CCNL2: variants seen among roughly 807,000 people sequenced by gnomAD.
The protein encoded by CCNL2 is cyclin-L2.
In CCNL2, 28 loss-of-function variants were observed where a neutral mutation model predicts 59.1. That is an observed-to-expected ratio of 0.47 (90% CI 0.35 to 0.65). The LOEUF is 0.65. CCNL2 is among the 30% of genes least tolerant of loss of function. The pLI is 0.00. For synonymous variants in CCNL2, 342 were observed against 288.6 expected (o/e 1.19, Z -1.88); for missense variants, 714 against 717.4 (o/e 1.00, Z 0.05).
chr1:1,385,919 A>AG lies in CCNL2; in HGVS notation c.*1311dup, dbSNP rs34180804. On this transcript the variant is annotated 3_prime_UTR_variant, in exon 11 of 11. Transcript: ENST00000400809. ...GAGTCTCCTCAGTTCCCCAATTCTG[A>AG]GGGGGGGTCCCACCAGCTATCTAAT... The AG allele has an allele frequency of 0.75, 114,403 of 151,658 alleles. 47,263 individuals carry two copies. The highest frequency in any genetic ancestry group is 0.92 in the Non-Finnish European group (62,794 of 67,898). 9.4% of individuals were successfully genotyped at this position (151,658 alleles called of 1,614,324 possible). A position where few individuals can be genotyped will look rare whatever the true frequency, so the allele number is the denominator to read the frequency against.
rs1445540150 is a variant in CCNL2 at position 1,386,935 on chromosome 1, G to A, written c.*296C>T. 8.2e-6 allele frequency: 3 copies of A among 364,492 alleles called. No homozygotes were observed. The highest frequency in any genetic ancestry group is 1.5e-5 in the Non-Finnish European group (3 of 202,142). The allele number at this position is 364,492 out of a possible 1,614,324, so 22.6% of individuals were successfully genotyped here. A position where few individuals can be genotyped will look rare whatever the true frequency, so the allele number is the denominator to read the frequency against. On this transcript the variant is annotated 3_prime_UTR_variant, in exon 11 of 11. Transcript: ENST00000400809. The stretch of plus-strand genomic sequence containing the variant: ...TGCCAGGCCACGCCAACAAGGGCGT[G>A]TGCATTCACTTTTTCATTGAGCTGC...
chr1:1,398,970 T>TGCC, intron 1 of CCNL2, 49 bp downstream of exon 1: 1 of 1,525,152 alleles, frequency 6.6e-7, no homozygotes, highest in Non-Finnish European at 8.8e-7. Flanking sequence ...CAAAGGCGGC[T>TGCC]GCCGCCCCAG....
rs1312488394 is a variant in CCNL2 at position 1,398,356 on chromosome 1, A to G, written c.364-14T>C. ...CATTGACACATGCTGAAGCGGAAGC[A>G]TTGCAACACGCCCATGTTTGTCCCC... On this transcript the variant is annotated splice_polypyrimidine_tract_variant and intron_variant, in intron 2 of 10. Transcript: ENST00000400809. 1 of 1,614,044 alleles carries G rather than the reference A, an allele frequency of 6.2e-7. No homozygotes were observed. The highest frequency in any genetic ancestry group is 1.1e-5 in the South Asian group (1 of 91,072).
In CCNL2 at chr1:1,387,574, T is replaced by A; in HGVS notation, c.1220A>T (p.Asp407Val). 1 of 1,488,828 alleles carries A rather than the reference T, an allele frequency of 6.7e-7. No individual in the cohort carries two copies. Among genetic ancestry groups the A allele is most frequent in the Non-Finnish European group, 8.9e-7 (1 of 1,119,096 alleles). The allele number at this position is 1,488,828 out of a possible 1,614,324, so 92.2% of individuals were successfully genotyped here. The change falls in exon 11 of 11, where the codon GAC becomes GTC. Residue 407 changes from aspartate to valine, a missense_variant. Asp to Val is a radical substitution (Grantham distance 152). This residue lies in a region of CCNL2 where 403 missense variants were observed against 377.7 expected (regional missense o/e 1.07). Transcript: ENST00000400809. ...GGACCCACCAGATGTGGAGCCGCTGTCACTTTTCCTGGGAGGAAGAACAGC... is the reference window on the plus strand; with the variant it reads ...GGACCCACCAGATGTGGAGCCGCTGACACTTTTCCTGGGAGGAAGAACAGC... The part of the protein sequence containing the change: ...RSASPKRRKS[D>V]SGSTSGGSKS...
chr1:1,388,269 G>A, intron 8 of CCNL2: 1 of 574,176 alleles, frequency 1.7e-6, no homozygotes, highest in Non-Finnish European at 3.1e-6. Context: ...ACGCCTGTGA[G>A]CCCAGCACTT....
rs377333233 is a variant in CCNL2 at position 1,394,911 on chromosome 1, G to C, written c.594+483C>G. On this transcript the variant is annotated intron_variant, in intron 4 of 10. Transcript: ENST00000400809. ...GTCTCTACTAAAAATACAAAAATCA[G>C]CTCGGCGTGGTGGCACGTGCCTGTA... is the stretch of plus-strand genomic sequence containing the variant. Among the ~76,000 whole-genome samples, 369 of 152,128 alleles carry C rather than the reference G, an allele frequency of 2.4e-3. 18 individuals carry two copies. The South Asian group carries it at 0.075, about 31-fold the overall frequency.
At chr1:1,397,241 G>A (rs916300933) in intron 3 of CCNL2, among the ~76,000 whole-genome samples, 17 of 152,366 alleles carry the variant, frequency 1.1e-4, no homozygotes, top group African/African-American at 4.1e-4. Flanking sequence ...GTCAGAGGCA[G>A]CGGTTCTCTG....
chr1:1,387,034 G>T lies in CCNL2; in HGVS notation c.*197C>A, dbSNP rs951548348. 1 of 561,554 alleles carries T rather than the reference G, an allele frequency of 1.8e-6. No individual in the cohort carries two copies. Among genetic ancestry groups the T allele is most frequent in the Non-Finnish European group, 3.1e-6 (1 of 318,144 alleles). The allele number at this position is 561,554 out of a possible 1,614,324, so 34.8% of individuals were successfully genotyped here. A position where few individuals can be genotyped will look rare whatever the true frequency, so the allele number is the denominator to read the frequency against. ...CGCACCCCAGACCGGTCTGAAGCACGTGTCACCGGTCCCTCAGTTCCATTT... is the reference window on the plus strand; with the variant it reads ...CGCACCCCAGACCGGTCTGAAGCACTTGTCACCGGTCCCTCAGTTCCATTT... On this transcript the variant is annotated 3_prime_UTR_variant, in exon 11 of 11. Coordinates refer to ENST00000400809, the MANE Select transcript of CCNL2 (RefSeq NM_030937.6).
intron 8 of CCNL2, chr1:1,388,565 GTCTCTCTCTC>G (rs70949586): frequency 5.2e-6 from 2 of 382,458 alleles, no homozygotes; most frequent in African/African-American, 2.1e-5. Context: ...GTGAGTGTGT[GTCTCTCTCTC>G]TCTCTCTCTA....
chr1:1,385,920 G>GA lies in CCNL2; in HGVS notation c.*1310_*1311insT, dbSNP rs1231455768. The GA allele has an allele frequency of 2.9e-4, 5 of 17,420 alleles. No individual in the cohort carries two copies. In the East Asian group the frequency reaches 0.047, roughly 164 times the overall value. 1.1% of individuals were successfully genotyped at this position (17,420 alleles called of 1,614,324 possible). A position where few individuals can be genotyped will look rare whatever the true frequency, so the allele number is the denominator to read the frequency against. On this transcript the variant is annotated 3_prime_UTR_variant, in exon 11 of 11. Transcript: ENST00000400809. ...AGTCTCCTCAGTTCCCCAATTCTGA[G>GA]GGGGGGTCCCACCAGCTATCTAATG...
rs749297936 is a variant in CCNL2 at position 1,390,256 on chromosome 1, G to A, written c.980C>T (p.Ser327Leu). The A allele has an allele frequency of 1.6e-5, 25 of 1,611,814 alleles. No individual in the cohort carries two copies. The highest frequency in any genetic ancestry group is 6.7e-5 in the East Asian group (3 of 44,784). Residue 327 changes from serine (S) to leucine (L), a missense_variant, in exon 8 of 11, where the codon TCG becomes TTG. Coordinates refer to ENST00000400809, the MANE Select transcript of CCNL2 (RefSeq NM_030937.6). ...CAGCTTGGGGGCAGGAGAGAACCCC[G>A]AGGTACCATCCAGCACCTGTGTGCC... is the stretch of plus-strand genomic sequence containing the variant. ...PGGTQVLDGT[S>L]GFSPAPKLVE...
chr1:1,388,675 G>A, intron 8 of CCNL2: 1 of 430,104 alleles, frequency 2.3e-6, no homozygotes, highest in South Asian at 1.7e-5. Flanking sequence ...GGAGGCTGAG[G>A]CACAAGAATC....
intron 4 of CCNL2, 154 bp downstream of exon 4, chr1:1,395,240 G>C (rs1056029219): frequency 1.4e-6 from 1 of 695,388 alleles, no homozygotes; most frequent in Admixed American, 3.0e-5. Flanking sequence ...AATACGTCAG[G>C]AACTATTCTT....
At chr1:1,388,616 C>A (rs1190948930) in intron 8 of CCNL2, 2 of 413,932 alleles carry the variant, frequency 4.8e-6, no homozygotes, top group Non-Finnish European at 4.8e-6. Flanking sequence ...CACACTCACA[C>A]ACAAATTACC....
At chr1:1,398,807 C>A in intron 1 of CCNL2, 136 bp from the exon 2 acceptor site, 1 of 1,234,156 alleles carries the variant, frequency 8.1e-7, no homozygotes, top group Non-Finnish European at 1.1e-6. Flanking sequence ...AGGCTCTTCG[C>A]GTCCCGCCGT....
Sources: allele counts gnomAD v4.1 joint callset (sites outside exome capture counted in the v4.1 genomes callset), GRCh38; gene constraint gnomAD v4.1.1; regional missense constraint gnomAD v4.1.1; transcripts MANE v1.5; gene names NCBI Gene and HGNC (gene_info 2026-07-23, HGNC 2026-07-21).